Variants in TMPRSS9 observed in about 807,000 individuals in gnomAD.
TMPRSS9 encodes the protein transmembrane protease serine 9.
Under a neutral mutation model 111.4 loss-of-function variants are expected in TMPRSS9, and 113 were observed. The ratio of observed to expected loss-of-function variants is 1.01; its 90% CI spans 0.87 to 1.19. The LOEUF is 1.19. Among genes scored for constraint, TMPRSS9 ranks in the 50% most tolerant of loss-of-function variants. The pLI, the probability that TMPRSS9 is intolerant of heterozygous loss-of-function variation, is 0.00. For missense variants in TMPRSS9, 1,803 were observed against 1,513.1 expected (o/e 1.19, Z -3.18); for synonymous variants, 805 against 659.1 (o/e 1.22, Z -3.39).
intron 8 of TMPRSS9, 139 bp downstream of exon 9, chr19:2,408,769 G>A (rs553119075): frequency 2.5e-5 from 27 of 1,096,028 alleles, no homozygotes; most frequent in East Asian, 7.8e-5. Context: ...GAGGTCAGGC[G>A]TTTGAGACCA....
chr19:2,420,181 C>T (rs2145410130), intron 13 of TMPRSS9, among the ~76,000 whole-genome samples: 1 of 151,662 alleles, frequency 6.6e-6, no homozygotes, highest in East Asian at 1.9e-4. Flanking sequence ...AGGGCGGGTG[C>T]AGTGGCATGC....
At chr19:2,423,815 G>A (rs1488427466) in intron 14 of TMPRSS9, among the ~76,000 whole-genome samples, 2 of 152,058 alleles carry the variant, frequency 1.3e-5, no homozygotes, top group Non-Finnish European at 2.9e-5. Context: ...AGATGTGGGA[G>A]GCTGCCATGA....
intron 1 of TMPRSS9, among the ~76,000 whole-genome samples, chr19:2,372,281 C>T (rs879584212): frequency 4.6e-5 from 7 of 151,532 alleles, no homozygotes; most frequent in African/African-American, 7.3e-5. Flanking sequence ...TTTGGTTTTA[C>T]AGCTACACAC....
chr19:2,390,269 C>G (rs1311154358), intron 1 of TMPRSS9, among the ~76,000 whole-genome samples: 1 of 86,386 alleles, frequency 1.2e-5, no homozygotes, highest in Admixed American at 1.1e-4. Flanking sequence ...GAGACGGAGT[C>G]TCTCTCTGTC....
chr19:2,402,610 T>C (rs1970875225), intron 5 of TMPRSS9, among the ~76,000 whole-genome samples: 1 of 151,950 alleles, frequency 6.6e-6, no homozygotes, highest in African/African-American at 2.4e-5. Flanking sequence ...TGGTGGGGCG[T>C]GCCTGTAATC....
At chr19:2,411,537 A>G (rs1010680439) in intron 9 of TMPRSS9, among the ~76,000 whole-genome samples, 2 of 149,928 alleles carry the variant, frequency 1.3e-5, no homozygotes, top group African/African-American at 4.9e-5. Flanking sequence ...AGCTGTGATT[A>G]TAGGCATGCG....
chr19:2,401,991 C>T, exon 5 of TMPRSS9: 1 of 1,612,024 alleles, frequency 6.2e-7, no homozygotes, highest in Non-Finnish European at 8.5e-7. Flanking sequence ...ATAAGGGACC[C>T]TTGGCAGAAA....
At chr19:2,394,161 C>T (rs1970659027) in intron 1 of TMPRSS9, among the ~76,000 whole-genome samples, 1 of 152,018 alleles carries the variant, frequency 6.6e-6, no homozygotes, top group African/African-American at 2.4e-5. Context: ...CAAGATCGTG[C>T]CACTGCATCC....
At position 2,421,709 on chromosome 19, in the gene TMPRSS9, G is replaced by A. The variant is rs113020019; in HGVS notation, c.2155-145G>A. 5.1e-3 allele frequency: 3,760 copies of A among 734,336 alleles called. 109 individuals carry two copies. In the African/African-American group the frequency reaches 0.061, roughly 12 times the overall value. The allele number at this position is 734,336 out of a possible 1,614,324, so 45.5% of individuals were successfully genotyped here. A position where few individuals can be genotyped will look rare whatever the true frequency, so the allele number is the denominator to read the frequency against. The stretch of plus-strand genomic sequence containing the variant: ...AGGTCACACAGCCAGGCATGGGGCT[G>A]CAGTCAGGTCTCCAGACCCGCGCTG... On this transcript the variant is annotated intron_variant, in intron 13 of 17. Coordinates refer to ENST00000648592, the Ensembl canonical transcript of TMPRSS9.
At chr19:2,408,395 G>C in exon 8 of TMPRSS9, 1 of 1,613,784 alleles carries the variant, frequency 6.2e-7, no homozygotes, top group Non-Finnish European at 8.5e-7. Flanking sequence ...ACGTGGGTGC[G>C]ACCTACCTCA....
intron 1 of TMPRSS9, among the ~76,000 whole-genome samples, chr19:2,364,268 C>A (rs1300804871): frequency 1.3e-5 from 2 of 152,194 alleles, no homozygotes; most frequent in African/African-American, 4.8e-5. Flanking sequence ...GAAGCTGAGG[C>A]GAACCTTGGG....
intron 1 of TMPRSS9, among the ~76,000 whole-genome samples, chr19:2,372,505 A>C (rs1233835178): frequency 6.6e-6 from 1 of 151,110 alleles, no homozygotes; most frequent in African/African-American, 2.4e-5. Context: ...ATTCTCTCCC[A>C]CCCCCAGTCT....
chr19:2,415,528 C>T, intron 10 of TMPRSS9, 142 bp from the exon 12 acceptor site: 2 of 788,032 alleles, frequency 2.5e-6, no homozygotes, highest in South Asian at 4.9e-5. Flanking sequence ...ACCTTGAAGC[C>T]TCCACGGCTT....
chr19:2,419,626 C>T (rs1488731944), intron 13 of TMPRSS9, among the ~76,000 whole-genome samples: 2 of 151,972 alleles, frequency 1.3e-5, no homozygotes, highest in Non-Finnish European at 2.9e-5. Flanking sequence ...AAGTGATTCT[C>T]CTGCCTCAGC....
At chr19:2,381,923 A>C (rs1970390432) in intron 1 of TMPRSS9, among the ~76,000 whole-genome samples, 1 of 152,144 alleles carries the variant, frequency 6.6e-6, no homozygotes, top group South Asian at 2.1e-4. Context: ...GCTCACTGCA[A>C]CCTCCACCTC....
intron 1 of TMPRSS9, among the ~76,000 whole-genome samples, chr19:2,390,907 A>G (rs1970575283): frequency 6.6e-6 from 1 of 151,678 alleles, no homozygotes; most frequent in South Asian, 2.1e-4. Context: ...AGTGGCTCAT[A>G]CCTGTAATCT....
chr19:2,402,028 TC>T lies in TMPRSS9; in HGVS notation c.556+13del, dbSNP rs1970860620. The stretch of plus-strand genomic sequence containing the variant: ...AGACTTCAAATCAGGTATGTTTTTC[TC>T]TCTGGCCTTTTCTCTGATTGCAGTT... On this transcript the variant is annotated intron_variant, in intron 5 of 17. Transcript: ENST00000648592. 6.2e-7 allele frequency: 1 copy of T among 1,610,414 alleles called. No homozygotes were observed. The highest frequency in any genetic ancestry group is 8.5e-7 in the Non-Finnish European group (1 of 1,177,748).
chr19:2,399,192 A>AG lies in TMPRSS9; in HGVS notation c.514+1dup. 6.3e-7 allele frequency: 1 copy of AG among 1,592,814 alleles called. No homozygotes were observed. The highest frequency in any genetic ancestry group is 8.6e-7 in the Non-Finnish European group (1 of 1,168,548). ...GCACAATTGTGTCGGCTGAGCTCAC[A>AG]GGTGAGTGGGCAGCCGAGACCGAAA... On this transcript the variant is annotated frameshift_variant and splice_region_variant, in exon 4 of 18. Coordinates refer to ENST00000648592, the Ensembl canonical transcript of TMPRSS9. LOFTEE classifies it high-confidence loss of function.
chr19:2,409,046 AAC>A (rs1268067278), intron 8 of TMPRSS9, among the ~76,000 whole-genome samples: 2 of 149,698 alleles, frequency 1.3e-5, no homozygotes, highest in African/African-American at 4.9e-5. Context: ...GATGCAGAAA[AAC>A]ACAGTGGGTC....
Sources: allele counts gnomAD v4.1 joint callset (sites outside exome capture counted in the v4.1 genomes callset), GRCh38; gene constraint gnomAD v4.1.1; transcripts MANE v1.5; gene names NCBI Gene and HGNC (gene_info 2026-07-23, HGNC 2026-07-21).